Variants in VTI1A observed in about 807,000 individuals in gnomAD.
VTI1A encodes vesicle transport through interaction with t-SNAREs homolog 1A.
A neutral mutation model predicts 34.9 loss-of-function variants in VTI1A; 22 were observed. The ratio of observed to expected loss-of-function variants is 0.63; its 90% CI spans 0.45 to 0.90. The LOEUF is 0.90. VTI1A is among the 40% of genes least tolerant of loss of function. VTI1A has a pLI of 0.00. For synonymous variants in VTI1A, 87 were observed against 97.3 expected, an observed-to-expected ratio of 0.89 and a Z score of 0.62; for missense variants, 268 against 275.6, an observed-to-expected ratio of 0.97 and a Z score of 0.20.
At chr10:112,643,152 T>A (rs1590016320) in intron 5 of VTI1A, among the ~76,000 whole-genome samples, 1 of 102,144 alleles carries the variant, frequency 9.8e-6, no homozygotes, top group African/African-American at 3.7e-5. Flanking sequence ...ACCTGGCTAA[T>A]TTTTTTTTTT....
chr10:112,537,057 T>C (rs1180671384), intron 4 of VTI1A, among the ~76,000 whole-genome samples: 2 of 151,934 alleles, frequency 1.3e-5, no homozygotes, highest in East Asian at 3.9e-4. Context: ...ATCGTTTCGC[T>C]CGACAGCCAC....
At chr10:112,484,271 G>T (rs1193424872) in intron 3 of VTI1A, among the ~76,000 whole-genome samples, 5 of 152,264 alleles carry the variant, frequency 3.3e-5, no homozygotes, top group Non-Finnish European at 7.3e-5. Context: ...TCTAAGGTCA[G>T]TAAGCATTGT....
intron 7 of VTI1A, among the ~76,000 whole-genome samples, 172 bp from the exon 8 acceptor site, chr10:112,815,118 C>T (rs1445782450): frequency 2.0e-5 from 3 of 148,578 alleles, no homozygotes; most frequent in East Asian, 2.0e-4. Flanking sequence ...CAGAAAGCTG[C>T]GTGATGTCTC....
the VTI1A span, among the ~76,000 whole-genome samples, chr10:112,850,377 A>C: frequency 6.6e-6 from 1 of 151,816 alleles, no homozygotes; most frequent in Non-Finnish European, 1.5e-5. Flanking sequence ...AAAAAGAAAC[A>C]GCCTGAAGCT....
At position 112,566,674 on chromosome 10, in the gene VTI1A, A is replaced by G. The variant is rs80280288; in HGVS notation, c.427+28344A>G. 7.7e-3 allele frequency among the ~76,000 whole-genome samples: 1,178 copies of G among 152,264 alleles called. 15 individuals are homozygous for G. Among genetic ancestry groups the G allele is most frequent in the African/African-American group, 0.027 (1,132 of 41,550 alleles). ...GAAAATTTAAGCAGTGATATTGACT[A>G]TTTACCCCTTAGCAAACGTTATGAA... On this transcript the variant is annotated intron_variant, in intron 5 of 7. Transcript: ENST00000393077.
intron 5 of VTI1A, among the ~76,000 whole-genome samples, chr10:112,547,756 G>GT (rs1851186822): frequency 1.3e-5 from 2 of 152,084 alleles, no homozygotes; most frequent in Admixed American, 1.3e-4. Context: ...AAGATATGGA[G>GT]TATTTTTTCT....
At chr10:112,700,156 A>G (rs1039451042) in intron 7 of VTI1A, among the ~76,000 whole-genome samples, 2 of 149,632 alleles carry the variant, frequency 1.3e-5, no homozygotes, top group African/African-American at 4.9e-5. Context: ...AAAAAAAAAC[A>G]CTCGGAGGTA....
intron 7 of VTI1A, among the ~76,000 whole-genome samples, chr10:112,774,849 C>A (rs1169244978): frequency 6.6e-6 from 1 of 152,146 alleles, no homozygotes; most frequent in African/African-American, 2.4e-5. Context: ...CTCCTGAGGG[C>A]CTGTCAAGTT....
intron 3 of VTI1A, among the ~76,000 whole-genome samples, chr10:112,503,344 A>G (rs1849311452): frequency 6.6e-6 from 1 of 152,166 alleles, no homozygotes; most frequent in Non-Finnish European, 1.5e-5. Flanking sequence ...GTTCCCACAT[A>G]TGAATGAGAA....
chr10:112,758,202 G>C (rs1365010875), intron 7 of VTI1A, among the ~76,000 whole-genome samples: 1 of 152,058 alleles, frequency 6.6e-6, no homozygotes, highest in Non-Finnish European at 1.5e-5. Flanking sequence ...ATAGAGGAGG[G>C]GGGTCTTGCA....
intron 5 of VTI1A, among the ~76,000 whole-genome samples, chr10:112,629,498 A>AGTGGGGAG (rs1846052671): frequency 6.6e-6 from 1 of 152,204 alleles, no homozygotes; most frequent in African/African-American, 2.4e-5. Flanking sequence ...AATCTTTTAA[A>AGTGGGGAG]AACAGGACCT....
chr10:112,550,229 G>A (rs1207707123), intron 5 of VTI1A, among the ~76,000 whole-genome samples: 1 of 152,128 alleles, frequency 6.6e-6, no homozygotes, highest in Non-Finnish European at 1.5e-5. Context: ...GAAAATGACA[G>A]TTTAATTTCA....
intron 3 of VTI1A, among the ~76,000 whole-genome samples, chr10:112,514,457 A>G (rs1042061413): frequency 6.6e-6 from 1 of 151,430 alleles, no homozygotes; most frequent in African/African-American, 2.4e-5. Context: ...AACTCTTGGT[A>G]TCATTGATTT....
chr10:112,659,168 C>T (rs900583265), intron 5 of VTI1A, among the ~76,000 whole-genome samples: 18 of 152,102 alleles, frequency 1.2e-4, no homozygotes, highest in Admixed American at 6.6e-4. Flanking sequence ...AGCTGGATGA[C>T]GCTGAACACG....
At chr10:112,531,101 A>G (rs1219852082) in intron 4 of VTI1A, among the ~76,000 whole-genome samples, 1 of 143,612 alleles carries the variant, frequency 7.0e-6, no homozygotes, top group African/African-American at 2.7e-5. Flanking sequence ...ACACACACAC[A>G]CACGTGCGCA....
intron 7 of VTI1A, among the ~76,000 whole-genome samples, chr10:112,725,997 ATTCCTTTCC>A (rs1244015319): frequency 6.6e-6 from 1 of 152,204 alleles, no homozygotes. Flanking sequence ...AGGAATCCTG[ATTCCTTTCC>A]TTAGGAAATA....
chr10:112,626,872 C>G (rs1490953938), intron 5 of VTI1A, among the ~76,000 whole-genome samples: 1 of 152,238 alleles, frequency 6.6e-6, no homozygotes, highest in African/African-American at 2.4e-5. Context: ...AATGCAGCCA[C>G]AAAGCCTGCA....
At chr10:112,533,409 A>C (rs1850513620) in intron 4 of VTI1A, 1 of 650,696 alleles carries the variant, frequency 1.5e-6, no homozygotes, top group Non-Finnish European at 1.9e-6. Flanking sequence ...TGTGATTTTT[A>C]AATGCTAAAC....
intron 7 of VTI1A, among the ~76,000 whole-genome samples, chr10:112,776,718 G>A (rs951063390): frequency 1.9e-4 from 25 of 134,650 alleles, no homozygotes; most frequent in African/African-American, 1.2e-4. Context: ...TTGTTCTGTC[G>A]CCCAGGTTGG....
Sources: gnomAD v4.1 joint callset for allele counts (sites outside exome capture counted in the v4.1 genomes callset) on GRCh38, gnomAD v4.1.1 for gene constraint, MANE v1.5 for transcripts, NCBI Gene and HGNC (gene_info 2026-07-23, HGNC 2026-07-21) for gene names.